The following PCYT1B variants were observed in gnomAD, a reference collection of about 807,000 sequenced individuals.
PCYT1B encodes the protein choline-phosphate cytidylyltransferase B.
In PCYT1B, 10 loss-of-function variants were observed where a neutral mutation model predicts 26.4. The observed-to-expected ratio is 0.38, with a 90% CI of 0.23 to 0.64. The LOEUF (loss-of-function observed/expected upper bound fraction) is 0.64. PCYT1B is among the 30% of genes least tolerant of loss of function. The pLI is 0.56. For synonymous variants in PCYT1B, 131 were observed against 108.4 expected (o/e 1.21, Z -1.29); for missense variants, 161 against 292.7 (o/e 0.55, Z 3.28).
intron 1 of PCYT1B, among the ~76,000 whole-genome samples, chrX:24,629,425 G>A (rs1240961583): frequency 9.4e-6 from 1 of 106,719 alleles, no homozygotes; most frequent in Non-Finnish European, 1.9e-5. Flanking sequence ...AGGCATGGTG[G>A]TGTACGCCTG....
upstream of PCYT1B, among the ~76,000 whole-genome samples, chrX:24,649,249 C>T (rs1926715563): frequency 9.0e-6 from 1 of 111,657 alleles, no homozygotes; most frequent in Non-Finnish European, 1.9e-5. Context: ...TACTGGGTGA[C>T]GTGCAAATGA....
intron 1 of PCYT1B, among the ~76,000 whole-genome samples, chrX:24,667,051 G>T (rs1203675457): frequency 9.2e-6 from 1 of 109,168 alleles, no homozygotes; most frequent in Admixed American, 1.0e-4. Context: ...TGCCTTAGAG[G>T]ACCACAGTGG....
chrX:24,574,279 T>C (rs1339514880), intron 7 of PCYT1B, among the ~76,000 whole-genome samples: 1 of 111,671 alleles, frequency 9.0e-6, no homozygotes, highest in East Asian at 2.8e-4. Context: ...TTAGCGTCTC[T>C]AAAGTAAACT....
chrX:24,669,488 A>C, intron 1 of PCYT1B, among the ~76,000 whole-genome samples: 1 of 71,287 alleles, frequency 1.4e-5, no homozygotes, highest in African/African-American at 5.9e-5. Context: ...TGACAGAGTG[A>C]GACTTCGTCT....
intron 1 of PCYT1B, among the ~76,000 whole-genome samples, chrX:24,624,975 G>C (rs187753601): frequency 8.9e-6 from 1 of 112,612 alleles, no homozygotes; most frequent in Admixed American, 9.4e-5. Flanking sequence ...GGTTAATACC[G>C]TGTCTATAAC....
chrX:24,573,216 T>C (rs1923909188), intron 7 of PCYT1B, among the ~76,000 whole-genome samples: 1 of 108,680 alleles, frequency 9.2e-6, no homozygotes, highest in African/African-American at 3.4e-5. Flanking sequence ...CAGGCTGGAG[T>C]GTGGTGGCAT....
At chrX:24,607,117 T>G (rs763126721) in intron 3 of PCYT1B, among the ~76,000 whole-genome samples, 1 of 112,129 alleles carries the variant, frequency 8.9e-6, no homozygotes, top group South Asian at 3.7e-4. Flanking sequence ...ATAGGCCTCC[T>G]GGAGGAGGAA....
At chrX:24,562,655 T>C in intron 7 of PCYT1B, 150 bp from the exon 8 acceptor site, 1 of 481,443 alleles carries the variant, frequency 2.1e-6, no homozygotes, top group Non-Finnish European at 3.6e-6. Flanking sequence ...TGTCCAAGAC[T>C]ATGTATAGTA....
intron 1 of PCYT1B, among the ~76,000 whole-genome samples, chrX:24,668,855 A>G (rs1013352698): frequency 1.8e-5 from 2 of 111,408 alleles, no homozygotes; most frequent in African/African-American, 6.5e-5. Flanking sequence ...ATAAATAAAA[A>G]TGATGTGTAA....
In PCYT1B at chrX:24,602,146, G is replaced by A. The variant is rs187264993; in HGVS notation, c.334+5599C>T. Among the ~76,000 whole-genome samples the A allele has an allele frequency of 7.3e-3, 823 of 112,083 alleles. 7 individuals carry two copies. The highest frequency in any genetic ancestry group is 0.025 in the African/African-American group (773 of 30,868). On this transcript the variant is annotated intron_variant, in intron 3 of 7. Coordinates refer to ENST00000379144, the MANE Select transcript of PCYT1B (RefSeq NM_004845.5). ...ATAAACTGTGGTACATCCAGACAATGGAACATTATTCAGCGCCAAAAAGAA... is the reference window on the plus strand; with the variant it reads ...ATAAACTGTGGTACATCCAGACAATAGAACATTATTCAGCGCCAAAAAGAA...
chrX:24,665,096 A>G (rs1163019446), intron 1 of PCYT1B, among the ~76,000 whole-genome samples: 1 of 112,090 alleles, frequency 8.9e-6, no homozygotes, highest in Admixed American at 9.5e-5. Flanking sequence ...CACTCAATTT[A>G]GAATAAACTA....
At chrX:24,586,992 T>A (rs1014171228) in intron 5 of PCYT1B, among the ~76,000 whole-genome samples, 5 of 112,079 alleles carry the variant, frequency 4.5e-5, no homozygotes, top group African/African-American at 1.6e-4. Context: ...CCCCGGAAAT[T>A]AAGCCTTAGA....
chrX:24,612,769 G>A (rs1414073135), intron 2 of PCYT1B, among the ~76,000 whole-genome samples: 1 of 112,170 alleles, frequency 8.9e-6, no homozygotes, highest in East Asian at 2.8e-4. Context: ...CTGCCATACA[G>A]CCAAACAGGA....
chrX:24,648,125 C>G (rs142261980), upstream of PCYT1B, among the ~76,000 whole-genome samples: 6,525 of 111,752 alleles, frequency 0.058, 469 homozygotes, highest in African/African-American at 0.2. Flanking sequence ...GCCAAATGCT[C>G]ATGGCAATCA....
At chrX:24,656,713 A>C (rs776228298) in intron 1 of PCYT1B, among the ~76,000 whole-genome samples, 317 of 105,808 alleles carry the variant, frequency 3.0e-3, no homozygotes, top group African/African-American at 0.01. Context: ...GCGCCACCAC[A>C]CCCGGCTAAT....
At chrX:24,644,056 A>C (rs1448874895) in intron 1 of PCYT1B, among the ~76,000 whole-genome samples, 1 of 112,300 alleles carries the variant, frequency 8.9e-6, no homozygotes, top group Admixed American at 9.5e-5. Context: ...GATCAACAGA[A>C]ACTACTAAAA....
intron 3 of PCYT1B, among the ~76,000 whole-genome samples, chrX:24,606,431 G>A (rs1170682149): frequency 8.9e-6 from 1 of 112,304 alleles, no homozygotes; most frequent in African/African-American, 3.2e-5. Flanking sequence ...TTCTCTGCCT[G>A]TTTTGGGTTC....
At chrX:24,586,346 C>T (rs769152358) in intron 5 of PCYT1B, among the ~76,000 whole-genome samples, 340 of 112,507 alleles carry the variant, frequency 3.0e-3, no homozygotes, top group African/African-American at 0.01. Context: ...GCAATGATGC[C>T]AAGAAGGAGA....
chrX:24,585,556 C>T (rs959180078), intron 5 of PCYT1B, among the ~76,000 whole-genome samples: 16 of 110,674 alleles, frequency 1.4e-4, no homozygotes, highest in Admixed American at 1.3e-3. Context: ...CAGTCTCAGG[C>T]CAAAGTGGGG....
Sources: allele counts gnomAD v4.1 joint callset (sites outside exome capture counted in the v4.1 genomes callset), GRCh38; gene constraint gnomAD v4.1.1; transcripts MANE v1.5; gene names NCBI Gene and HGNC (gene_info 2026-07-23, HGNC 2026-07-21).